SPTLC3: variants seen among roughly 807,000 people sequenced by gnomAD.
The protein encoded by SPTLC3 is serine palmitoyltransferase long chain base subunit 3.
Under a neutral mutation model 59.3 loss-of-function variants are expected in SPTLC3, and 36 were observed. The observed-to-expected ratio is 0.61, with a 90% CI of 0.47 to 0.80. SPTLC3 has a LOEUF of 0.80. SPTLC3 is among the 30% of genes least tolerant of loss of function. The probability of loss-of-function intolerance (pLI) is 0.00; values close to 1 mark genes in which losing one functional copy is unlikely to be tolerated. For synonymous variants in SPTLC3, 257 were observed against 240.8 expected (o/e 1.07, Z -0.62); for missense variants, 625 against 685.1 (o/e 0.91, Z 0.98).
At chr20:13,123,105 C>T (rs371302568) in intron 8 of SPTLC3, among the ~76,000 whole-genome samples, 29 of 152,178 alleles carry the variant, frequency 1.9e-4, no homozygotes, top group South Asian at 4.2e-4. Flanking sequence ...CCAAGGCCGG[C>T]GGATTACCAG....
At chr20:13,136,516 C>G (rs2038247405) in intron 9 of SPTLC3, among the ~76,000 whole-genome samples, 1 of 151,654 alleles carries the variant, frequency 6.6e-6, no homozygotes, top group African/African-American at 2.4e-5. Flanking sequence ...GGGAGGATCA[C>G]TTGACCCTAG....
intron 6 of SPTLC3, among the ~76,000 whole-genome samples, chr20:13,101,276 G>T (rs1294074712): frequency 6.6e-6 from 1 of 152,190 alleles, no homozygotes; most frequent in African/African-American, 2.4e-5. Flanking sequence ...AAGCTGGGCT[G>T]AGAGGGTATA....
intron 1 of SPTLC3, among the ~76,000 whole-genome samples, chr20:13,011,347 T>A (rs1600198910): frequency 6.6e-6 from 1 of 152,192 alleles, no homozygotes; most frequent in Admixed American, 6.5e-5. Context: ...CCTAGGCTGC[T>A]GGTCTCCCAA....
chr20:13,083,858 G>C (rs774422706), intron 4 of SPTLC3, among the ~76,000 whole-genome samples: 8 of 152,114 alleles, frequency 5.3e-5, no homozygotes, highest in Non-Finnish European at 1.0e-4. Context: ...GGTCAACACT[G>C]TTGGCCCACT....
intron 2 of SPTLC3, among the ~76,000 whole-genome samples, chr20:13,059,042 T>C (rs1987842183): frequency 2.0e-5 from 3 of 152,204 alleles, no homozygotes; most frequent in African/African-American, 7.2e-5. Context: ...CCAAAGACCA[T>C]GGACATCTGG....
chr20:13,099,812 C>T (rs1402995936), intron 6 of SPTLC3, among the ~76,000 whole-genome samples: 2 of 152,162 alleles, frequency 1.3e-5, no homozygotes, highest in African/African-American at 4.8e-5. Context: ...TGCATCCACA[C>T]AGATTGGACT....
chr20:13,058,653 T>C (rs1164476753), intron 2 of SPTLC3, among the ~76,000 whole-genome samples: 1 of 152,194 alleles, frequency 6.6e-6, no homozygotes, highest in Admixed American at 6.5e-5. Context: ...CAAATCAGTG[T>C]TTTAGAGCAA....
chr20:13,082,301 C>T (rs189877027), intron 4 of SPTLC3, among the ~76,000 whole-genome samples: 1 of 152,076 alleles, frequency 6.6e-6, no homozygotes. Context: ...GTCTGTAGGT[C>T]GAGAAGACTA....
chr20:13,027,467 AT>A (rs1273087986), intron 1 of SPTLC3, among the ~76,000 whole-genome samples: 1 of 151,424 alleles, frequency 6.6e-6, no homozygotes, highest in East Asian at 1.9e-4. Context: ...TAATATTATA[AT>A]GCCAGACACA....
intron 9 of SPTLC3, among the ~76,000 whole-genome samples, chr20:13,141,585 C>T (rs146199400): frequency 9.2e-4 from 140 of 152,262 alleles, no homozygotes; most frequent in African/African-American, 3.3e-3. Context: ...AAATTCCGCC[C>T]AAAATGTACT....
chr20:13,073,973 G>T, intron 3 of SPTLC3: 2 of 599,588 alleles, frequency 3.3e-6, no homozygotes, highest in Non-Finnish European at 3.3e-6. Context: ...CCAACTCCTG[G>T]TATATCCTGA....
At chr20:13,019,498 G>A (rs1985749836) in intron 1 of SPTLC3, among the ~76,000 whole-genome samples, 1 of 152,176 alleles carries the variant, frequency 6.6e-6, no homozygotes. Flanking sequence ...AAAAGTGATA[G>A]ATGAGTCTTC....
chr20:13,154,676 C>T (rs1439771709), intron 10 of SPTLC3, among the ~76,000 whole-genome samples: 1 of 152,150 alleles, frequency 6.6e-6, no homozygotes, highest in African/African-American at 2.4e-5. Context: ...AACTGAGGCT[C>T]ACATTGAAGC....
chr20:13,044,995 CCACACA>C (rs5840546), intron 1 of SPTLC3, among the ~76,000 whole-genome samples: 5,153 of 141,358 alleles, frequency 0.036, 87 homozygotes, highest in Middle Eastern at 0.044. Context: ...TGTGTCCCCA[CCACACA>C]CACACACACA....
chr20:13,109,977 A>C (rs912006810), intron 6 of SPTLC3, 135 bp from the exon 7 acceptor site: 24 of 655,582 alleles, frequency 3.7e-5, no homozygotes, highest in Non-Finnish European at 5.6e-5. Flanking sequence ...TCTCTCCCTA[A>C]GGGTTCTCTG....
At chr20:13,138,350 A>G (rs1194907330) in intron 9 of SPTLC3, among the ~76,000 whole-genome samples, 1 of 151,878 alleles carries the variant, frequency 6.6e-6, no homozygotes, top group East Asian at 1.9e-4. Context: ...CCCACAATAC[A>G]CTACCCCCAT....
At chr20:13,115,055 T>C (rs1391078326) in intron 7 of SPTLC3, among the ~76,000 whole-genome samples, 3 of 152,232 alleles carry the variant, frequency 2.0e-5, no homozygotes, top group Admixed American at 2.0e-4. Context: ...TTTTCTTCTA[T>C]TGAAGTCAAA....
intron 2 of SPTLC3, among the ~76,000 whole-genome samples, chr20:13,061,202 G>C (rs542270726): frequency 6.6e-6 from 1 of 152,184 alleles, no homozygotes; most frequent in Admixed American, 6.5e-5. Flanking sequence ...GAGACATGGG[G>C]GTGCATATGC....
intron 2 of SPTLC3, among the ~76,000 whole-genome samples, chr20:13,052,897 G>A (rs1987557451): frequency 6.6e-6 from 1 of 152,148 alleles, no homozygotes; most frequent in African/African-American, 2.4e-5. Flanking sequence ...CCCCAGTCAG[G>A]GGTTTATAGA....
Sources: allele counts gnomAD v4.1 joint callset (sites outside exome capture counted in the v4.1 genomes callset), GRCh38; gene constraint gnomAD v4.1.1; transcripts MANE v1.5; gene names NCBI Gene and HGNC (gene_info 2026-07-23, HGNC 2026-07-21).